GRM8: variants seen among roughly 807,000 people sequenced by gnomAD.
GRM8 encodes the protein metabotropic glutamate receptor 8.
In GRM8, 47 loss-of-function variants were observed where a neutral mutation model predicts 87.2. The ratio of observed to expected loss-of-function variants is 0.54; its 90% CI spans 0.43 to 0.69. GRM8 has a LOEUF of 0.69. Ranked by LOEUF, GRM8 falls within the 30% of genes least tolerant of loss-of-function variation. GRM8 has a pLI of 0.00. For missense variants in GRM8, 1,019 were observed against 1,139.2 expected, an observed-to-expected ratio of 0.89 and a Z score of 1.52; for synonymous variants, 396 against 404.5, an observed-to-expected ratio of 0.98 and a Z score of 0.25.
intron 9 of GRM8, among the ~76,000 whole-genome samples, chr7:126,471,181 G>C (rs1805166845): frequency 6.6e-6 from 1 of 151,954 alleles, no homozygotes; most frequent in Non-Finnish European, 1.5e-5. Context: ...CTGTGCAGAA[G>C]CTCTTTAGTT....
intron 3 of GRM8, among the ~76,000 whole-genome samples, chr7:126,948,014 G>A (rs1807729970): frequency 6.6e-6 from 1 of 152,108 alleles, no homozygotes; most frequent in African/African-American, 2.4e-5. Flanking sequence ...TTTAAGGTTT[G>A]TGATTCCAGA....
chr7:126,619,997 G>A (rs1009384140), intron 7 of GRM8, among the ~76,000 whole-genome samples: 2 of 151,774 alleles, frequency 1.3e-5, no homozygotes, highest in South Asian at 4.2e-4. Context: ...AGCCAAAAGT[G>A]GATTAATTTT....
chr7:126,619,866 AT>A (rs1455028037), intron 7 of GRM8, among the ~76,000 whole-genome samples: 1 of 151,928 alleles, frequency 6.6e-6, no homozygotes, highest in African/African-American at 2.4e-5. Context: ...AATTTTTGTA[AT>A]TTTTGGTAGA....
intron 7 of GRM8, among the ~76,000 whole-genome samples, chr7:126,613,718 C>T (rs1371445118): frequency 6.6e-6 from 1 of 152,240 alleles, no homozygotes; most frequent in Non-Finnish European, 1.5e-5. Flanking sequence ...AAACGGCACA[C>T]CAGGAGATTA....
intron 6 of GRM8, among the ~76,000 whole-genome samples, chr7:126,797,687 T>G (rs1241124703): frequency 6.6e-6 from 1 of 152,090 alleles, no homozygotes; most frequent in African/African-American, 2.4e-5. Context: ...CCTTAAAAAC[T>G]TTAGGGGGAG....
At chr7:127,051,739 CAAAA>C (rs59713382) in intron 3 of GRM8, among the ~76,000 whole-genome samples, 597 of 58,408 alleles carry the variant, frequency 0.01, no homozygotes, top group African/African-American at 0.024. Flanking sequence ...TAATGTTGAG[CAAAA>C]AAAAAAAAAA....
At chr7:126,792,872 G>C (rs927350657) in intron 6 of GRM8, among the ~76,000 whole-genome samples, 4 of 152,050 alleles carry the variant, frequency 2.6e-5, no homozygotes, top group African/African-American at 9.7e-5. Flanking sequence ...TTCTTCTTTG[G>C]CTCCTTCTGC....
chr7:126,638,753 C>T (rs576758960), intron 7 of GRM8, among the ~76,000 whole-genome samples: 2 of 152,278 alleles, frequency 1.3e-5, no homozygotes, highest in South Asian at 2.1e-4. Context: ...GAAGGTAGGG[C>T]ACTACAGAAC....
At chr7:126,936,445 T>TC (rs914287576) in intron 3 of GRM8, among the ~76,000 whole-genome samples, 1 of 152,106 alleles carries the variant, frequency 6.6e-6, no homozygotes, top group African/African-American at 2.4e-5. Context: ...ACTATCTGAC[T>TC]CCCCCCACTA....
intron 2 of GRM8, among the ~76,000 whole-genome samples, chr7:127,188,805 C>A (rs1223714879): frequency 6.6e-6 from 1 of 152,172 alleles, no homozygotes; most frequent in Non-Finnish European, 1.5e-5. Flanking sequence ...CATTCACTAA[C>A]CTTGACCTGG....
At chr7:126,499,541 A>G (rs1375395811) in intron 9 of GRM8, among the ~76,000 whole-genome samples, 1 of 151,938 alleles carries the variant, frequency 6.6e-6, no homozygotes, top group Non-Finnish European at 1.5e-5. Flanking sequence ...ATTATTCACA[A>G]TAGTCAACCT....
intron 6 of GRM8, among the ~76,000 whole-genome samples, chr7:126,787,334 C>G (rs572072398): frequency 6.6e-6 from 1 of 152,100 alleles, no homozygotes. Flanking sequence ...TGGGAGTCAA[C>G]AAAAAGAGGG....
chr7:126,791,523 A>G (rs1364833494), intron 6 of GRM8, among the ~76,000 whole-genome samples: 1 of 152,180 alleles, frequency 6.6e-6, no homozygotes, highest in Non-Finnish European at 1.5e-5. Context: ...CACACATTCA[A>G]CCACAGAGTA....
chr7:127,195,207 G>A (rs993950193), intron 2 of GRM8, among the ~76,000 whole-genome samples: 1 of 152,028 alleles, frequency 6.6e-6, no homozygotes, highest in African/African-American at 2.4e-5. Flanking sequence ...TTTAAAATTA[G>A]TTTATCCTCT....
Position 127,203,370 on chromosome 7 carries a change from A to T in GRM8, c.510+39325T>A, listed in dbSNP as rs190078884. On this transcript the variant is annotated intron_variant, in intron 2 of 10. Transcript: ENST00000339582. Reference sequence around the variant, plus strand: ...TCAATCACACTCAAAACTCAGCATCACACAATATACTCTTGTAACAAGCTT... The same window carrying T: ...TCAATCACACTCAAAACTCAGCATCTCACAATATACTCTTGTAACAAGCTT... Among the ~76,000 whole-genome samples, 763 of 152,274 alleles carry T rather than the reference A, an allele frequency of 5.0e-3. 5 individuals carry two copies. The highest frequency in any genetic ancestry group is 7.4e-3 in the Non-Finnish European group (504 of 68,004).
At chr7:127,189,287 C>A (rs942414763) in intron 2 of GRM8, among the ~76,000 whole-genome samples, 2 of 152,094 alleles carry the variant, frequency 1.3e-5, no homozygotes, top group African/African-American at 4.8e-5. Context: ...TCTCAAGTGC[C>A]TTATTGTGAA....
intron 9 of GRM8, among the ~76,000 whole-genome samples, chr7:126,466,053 A>C (rs1404483602): frequency 6.6e-6 from 1 of 151,938 alleles, no homozygotes; most frequent in African/African-American, 2.4e-5. Flanking sequence ...AAGTTTAGTT[A>C]ATTTAAGAAA....
chr7:126,630,705 G>A (rs1585287718), intron 7 of GRM8, among the ~76,000 whole-genome samples: 1 of 152,178 alleles, frequency 6.6e-6, no homozygotes, highest in East Asian at 1.9e-4. Context: ...CTTCATCCCC[G>A]AGATGCAAGG....
chr7:126,769,530 A>G (rs534544566), intron 7 of GRM8, among the ~76,000 whole-genome samples: 14 of 152,256 alleles, frequency 9.2e-5, no homozygotes, highest in Non-Finnish European at 1.3e-4. Flanking sequence ...CTCTTCTCTA[A>G]TAATGACATG....
Sources: gnomAD v4.1 joint callset for allele counts (sites outside exome capture counted in the v4.1 genomes callset) on GRCh38, gnomAD v4.1.1 for gene constraint, MANE v1.5 for transcripts, NCBI Gene and HGNC (gene_info 2026-07-23, HGNC 2026-07-21) for gene names.